The following HNMT variants were observed in gnomAD, a reference collection of about 807,000 sequenced individuals.
HNMT encodes histamine N-methyltransferase.
In HNMT, 30 loss-of-function variants were observed where a neutral mutation model predicts 32.1. That is an observed-to-expected ratio of 0.93 (90% CI 0.70 to 1.27). The LOEUF is 1.27. HNMT is among the 50% of genes most tolerant of loss of function. The pLI is 0.00. For synonymous variants in HNMT, 125 were observed against 119.0 expected, an observed-to-expected ratio of 1.05 and a Z score of -0.33; for missense variants, 327 against 346.0, an observed-to-expected ratio of 0.95 and a Z score of 0.43.
intron 2 of HNMT, among the ~76,000 whole-genome samples, chr2:137,984,051 A>T (rs1291207700): frequency 6.6e-6 from 1 of 152,124 alleles, no homozygotes; most frequent in Non-Finnish European, 1.5e-5. Context: ...TATTGATCTG[A>T]TCTATGGATT....
rs1467989894 is a variant in HNMT at position 138,007,103 on chromosome 2, A to G, written c.523+1878A>G. On this transcript the variant is annotated intron_variant, in intron 5 of 5. Coordinates refer to ENST00000280097, the MANE Select transcript of HNMT (RefSeq NM_006895.3). Reference sequence around the variant, plus strand: ...AACGAATAACATTTGACAGATGATTAAAGAGATTCTGATGATCTCCTTCCT... The same window carrying G: ...AACGAATAACATTTGACAGATGATTGAAGAGATTCTGATGATCTCCTTCCT... Among the ~76,000 whole-genome samples the G allele has an allele frequency of 2.0e-5, 3 of 152,080 alleles. No individual in the cohort carries two copies. The South Asian group carries it at 6.2e-4, about 31-fold the overall frequency.
rs1268363690 is a variant in HNMT, at chr2:138,015,205, A to G, written c.*1075A>G. 1 of 152,078 alleles carries G rather than the reference A, an allele frequency of 6.6e-6. No homozygotes were observed. The allele number at this position is 152,078 out of a possible 1,614,324, so 9.4% of individuals were successfully genotyped here. On this transcript the variant is annotated 3_prime_UTR_variant, in exon 6 of 6. Transcript: ENST00000280097. ...AATTTGATGTTTCTTATTTTTAATAATAACGCTCTGTTATTTTTGACATAA... is the reference window on the plus strand; with the variant it reads ...AATTTGATGTTTCTTATTTTTAATAGTAACGCTCTGTTATTTTTGACATAA...
At chr2:138,009,880 C>T (rs1190115783) in intron 5 of HNMT, among the ~76,000 whole-genome samples, 7 of 152,228 alleles carry the variant, frequency 4.6e-5, no homozygotes, top group Admixed American at 1.3e-4. Flanking sequence ...AGCTTGCCTT[C>T]TCCACCAGAG....
chr2:137,964,609 C>T lies in HNMT; in HGVS notation c.118C>T (p.Leu40=). The T allele has an allele frequency of 6.2e-7, 1 of 1,613,812 alleles. No homozygotes were observed. The highest frequency in any genetic ancestry group is 8.5e-7 in the Non-Finnish European group (1 of 1,179,772). ...CATGCAGGAATTCATGGACAAGAAG[C>T]TGCCAGGCATAATAGGAAGGTAACA... ...QCMQEFMDKK[L]PGIIGRIGDT... The change falls in exon 1 of 6, where the codon CTG becomes TTG. Residue 40 remains leucine, a synonymous_variant. Transcript: ENST00000280097.
At chr2:137,990,526 C>T (rs1055153722) in intron 2 of HNMT, among the ~76,000 whole-genome samples, 1 of 152,014 alleles carries the variant, frequency 6.6e-6, no homozygotes, top group Non-Finnish European at 1.5e-5. Context: ...TGTCGGTTCT[C>T]CAACTTTATT....
At chr2:137,978,815 TA>T (rs1680383679) in intron 2 of HNMT, among the ~76,000 whole-genome samples, 1 of 139,610 alleles carries the variant, frequency 7.2e-6, no homozygotes, top group Admixed American at 7.3e-5. Flanking sequence ...TAGTATTATA[TA>T]ATACTTTATA....
intron 2 of HNMT, among the ~76,000 whole-genome samples, chr2:137,976,276 A>C (rs1680285785): frequency 2.0e-5 from 1 of 49,634 alleles, no homozygotes; most frequent in African/African-American, 5.4e-5. Flanking sequence ...AAAAAAACAA[A>C]AAACAAAAAA....
chr2:137,985,350 A>G (rs1680622373), intron 2 of HNMT, among the ~76,000 whole-genome samples: 1 of 152,214 alleles, frequency 6.6e-6, no homozygotes, highest in Non-Finnish European at 1.5e-5. Context: ...TAAGAATAGG[A>G]TTTCACATAA....
At position 137,985,334 on chromosome 2, in the gene HNMT, G is replaced by A. The variant is rs567443678; in HGVS notation, c.190+15117G>A. Among the ~76,000 whole-genome samples the A allele has an allele frequency of 4.3e-4, 66 of 152,270 alleles. 2 individuals are homozygous for A. In the South Asian group the frequency reaches 0.013, roughly 29 times the overall value. ...GGAAGTGTATGTCTAATTTAAAGCCGTGTCCTAAGAATAGGATTTCACATA... is the reference window on the plus strand; with the variant it reads ...GGAAGTGTATGTCTAATTTAAAGCCATGTCCTAAGAATAGGATTTCACATA... On this transcript the variant is annotated intron_variant, in intron 2 of 5. Transcript: ENST00000280097.
At chr2:137,999,577 G>C (rs1681097781) in intron 2 of HNMT, among the ~76,000 whole-genome samples, 1 of 152,088 alleles carries the variant, frequency 6.6e-6, no homozygotes, top group South Asian at 2.1e-4. Context: ...TTTGCTTCCT[G>C]CTATGTGCAG....
At chr2:137,967,884 C>T (rs1459534110) in intron 1 of HNMT, among the ~76,000 whole-genome samples, 1 of 152,176 alleles carries the variant, frequency 6.6e-6, no homozygotes, top group Non-Finnish European at 1.5e-5. Context: ...CTCTCTGCCT[C>T]TTTCCATCTC....
chr2:137,995,190 G>A (rs1177279935), intron 2 of HNMT, among the ~76,000 whole-genome samples: 1 of 151,296 alleles, frequency 6.6e-6, no homozygotes, highest in Non-Finnish European at 1.5e-5. Context: ...AGGAGATAGA[G>A]ACCCAAAAAC....
intron 1 of HNMT, among the ~76,000 whole-genome samples, chr2:137,966,590 T>G (rs1437767228): frequency 6.6e-6 from 1 of 152,194 alleles, no homozygotes; most frequent in East Asian, 1.9e-4. Flanking sequence ...ACGTACAACT[T>G]TTTGTTCTCC....
intron 5 of HNMT, among the ~76,000 whole-genome samples, chr2:138,007,676 A>G (rs1212711029): frequency 6.6e-6 from 1 of 151,966 alleles, no homozygotes; most frequent in East Asian, 1.9e-4. Flanking sequence ...TCTTCTCCCC[A>G]AATCTTGCAT....
At chr2:137,985,238 G>A (rs776522663) in intron 2 of HNMT, among the ~76,000 whole-genome samples, 38 of 151,800 alleles carry the variant, frequency 2.5e-4, no homozygotes, top group Non-Finnish European at 2.6e-4. Context: ...GTATAAAACT[G>A]CTCTAACTCC....
At position 137,982,941 on chromosome 2, in the gene HNMT, A is replaced by G. The variant is rs551701379; in HGVS notation, c.190+12724A>G. On this transcript the variant is annotated intron_variant, in intron 2 of 5. Transcript: ENST00000280097. ...TCTGTGGGGACTTCCTTTAAAAATG[A>G]AAGAGCTGAGGTTCAGATATTTTGA... Among the ~76,000 whole-genome samples, 67 of 152,316 alleles carry G rather than the reference A, an allele frequency of 4.4e-4. 1 individual carries two copies. The South Asian group carries it at 0.011, about 26-fold the overall frequency.
intron 5 of HNMT, among the ~76,000 whole-genome samples, chr2:138,011,572 G>C (rs111756349): frequency 8.6e-5 from 13 of 152,026 alleles, no homozygotes; most frequent in Admixed American, 6.6e-5. Flanking sequence ...ATGCATGAGC[G>C]CCAAGGGTCT....
At chr2:138,001,166 G>T (rs916704969) in intron 3 of HNMT, 141 bp downstream of exon 3, 2 of 502,266 alleles carry the variant, frequency 4.0e-6, no homozygotes, top group Non-Finnish European at 7.1e-6. Flanking sequence ...TTAGTTCTTG[G>T]CAGGCATGAC....
Position 137,970,236 on chromosome 2 carries a change from TA to T in HNMT, c.190+22del. 1 of 1,382,154 alleles carries T rather than the reference TA, an allele frequency of 7.2e-7. No homozygotes were observed. Among genetic ancestry groups the T allele is most frequent in the Non-Finnish European group, 1.0e-6 (1 of 994,854 alleles). 85.6% of individuals were successfully genotyped at this position (1,382,154 alleles called of 1,614,324 possible). ...GGTGCAGGTATGAGTAATATATTTT[TA>T]AAGTTCATATTTCACTTTAACCATT... On this transcript the variant is annotated intron_variant, in intron 2 of 5. Transcript: ENST00000280097.
Sources: gnomAD v4.1 joint callset for allele counts (sites outside exome capture counted in the v4.1 genomes callset) on GRCh38, gnomAD v4.1.1 for gene constraint, MANE v1.5 for transcripts, NCBI Gene and HGNC (gene_info 2026-07-23, HGNC 2026-07-21) for gene names.